Variants in PKP4 observed in about 807,000 individuals in gnomAD.
The protein encoded by PKP4 is plakophilin 4.
In PKP4, 90 loss-of-function variants were observed where a neutral mutation model predicts 145.1. The ratio of observed to expected loss-of-function variants is 0.62; its 90% CI spans 0.52 to 0.74. The LOEUF is 0.74. Among genes scored for constraint, PKP4 ranks in the 30% least tolerant of loss-of-function variants. The pLI, the probability that PKP4 is intolerant of heterozygous loss-of-function variation, is 0.00. For missense variants in PKP4, 1,340 were observed against 1,482.7 expected (o/e 0.90, Z 1.58); for synonymous variants, 563 against 577.2 (o/e 0.98, Z 0.35).
chr2:158,672,130 G>A (rs7573340), intron 17 of PKP4, among the ~76,000 whole-genome samples: 10,951 of 152,252 alleles, frequency 0.072, 958 homozygotes, highest in African/African-American at 0.21. Flanking sequence ...GCACTTATCC[G>A]TGAAGCTACT....
intron 11 of PKP4, 75 bp from the exon 12 acceptor site, chr2:158,658,056 A>T: frequency 1.2e-6 from 1 of 841,080 alleles, no homozygotes. Context: ...CATATTAATT[A>T]GAGCTAATAC....
chr2:158,661,608 C>G, intron 13 of PKP4, 158 bp downstream of exon 13: 1 of 565,520 alleles, frequency 1.8e-6, no homozygotes, highest in South Asian at 2.0e-5. Flanking sequence ...GTTACAGGGG[C>G]AAGGACGTGG....
chr2:158,484,270 A>G (rs1278679290), intron 1 of PKP4, among the ~76,000 whole-genome samples: 1 of 151,132 alleles, frequency 6.6e-6, no homozygotes, highest in Non-Finnish European at 1.5e-5. Context: ...GATGGTCTCG[A>G]TCTCCTGACC....
intron 15 of PKP4, chr2:158,666,102 C>G (rs1416989876): frequency 5.6e-6 from 1 of 178,248 alleles, no homozygotes; most frequent in Non-Finnish European, 1.2e-5. Context: ...AACACACGAT[C>G]CTTCCTTAAT....
chr2:158,608,434 G>C (rs1372766173), intron 4 of PKP4, among the ~76,000 whole-genome samples: 1 of 152,166 alleles, frequency 6.6e-6, no homozygotes, highest in Admixed American at 6.5e-5. Context: ...GTGTTAGGCA[G>C]ATACTAATTC....
rs763991868 is a variant in PKP4, at chr2:158,565,837, G to A, written c.133-11434G>A. On this transcript the variant is annotated intron_variant, in intron 2 of 21. Coordinates refer to ENST00000389759, the MANE Select transcript of PKP4 (RefSeq NM_003628.6). ...ATTGATCTTTCTTAACCTTCTTTCC[G>A]AAGAAGCCCACGATAATTTCTGGAA... 3.9e-5 allele frequency among the ~76,000 whole-genome samples: 6 copies of A among 151,988 alleles called. 1 individual carries two copies. The highest frequency in any genetic ancestry group is 4.2e-4 in the South Asian group (2 of 4,814).
chr2:158,659,793 G>A (rs2056377517), intron 12 of PKP4: 1 of 152,250 alleles, frequency 6.6e-6, no homozygotes, highest in South Asian at 2.1e-4. Flanking sequence ...AGATTATATA[G>A]GATTTTGTAA....
intron 1 of PKP4, among the ~76,000 whole-genome samples, chr2:158,483,314 T>G (rs1345514191): frequency 6.6e-6 from 1 of 152,166 alleles, no homozygotes; most frequent in Non-Finnish European, 1.5e-5. Context: ...ATGTTTGATC[T>G]TTCTGTAATT....
intron 3 of PKP4, among the ~76,000 whole-genome samples, chr2:158,593,093 T>A (rs1011349090): frequency 6.6e-6 from 1 of 152,176 alleles, no homozygotes; most frequent in Non-Finnish European, 1.5e-5. Flanking sequence ...TTATTTTAAA[T>A]TTTTTTAAAT....
At chr2:158,610,971 G>T (rs2051096482) in intron 4 of PKP4, among the ~76,000 whole-genome samples, 1 of 152,158 alleles carries the variant, frequency 6.6e-6, no homozygotes, top group South Asian at 2.1e-4. Context: ...GAAATTGATG[G>T]ATGTTACGTA....
chr2:158,541,727 G>A (rs1277762014), intron 2 of PKP4, among the ~76,000 whole-genome samples: 1 of 151,990 alleles, frequency 6.6e-6, no homozygotes, highest in East Asian at 1.9e-4. Flanking sequence ...TCAATTTATA[G>A]ACTGTTTAGT....
In PKP4 at chr2:158,517,549, G is replaced by A. The variant is rs140954116; in HGVS notation, c.-5-15631G>A. Among the ~76,000 whole-genome samples the A allele has an allele frequency of 6.4e-4, 97 of 152,158 alleles. 1 individual carries two copies. The Middle Eastern group carries it at 0.02, about 32-fold the overall frequency. ...ATTTATCTTTGTACTTTTACACCTGGTTTATAGTGTGGTTGATACGTAAGT... is the reference window on the plus strand; with the variant it reads ...ATTTATCTTTGTACTTTTACACCTGATTTATAGTGTGGTTGATACGTAAGT... On this transcript the variant is annotated intron_variant, in intron 1 of 21. Transcript: ENST00000389759.
intron 1 of PKP4, among the ~76,000 whole-genome samples, chr2:158,461,082 A>C (rs1054477789): frequency 1.1e-4 from 17 of 152,232 alleles, no homozygotes; most frequent in African/African-American, 3.4e-4. Flanking sequence ...GGGTTATTTC[A>C]AGGTAAGGTA....
intron 11 of PKP4, among the ~76,000 whole-genome samples, chr2:158,654,797 G>C (rs986092120): frequency 6.6e-6 from 1 of 152,118 alleles, no homozygotes; most frequent in Admixed American, 6.5e-5. Flanking sequence ...AGCCAAGTCT[G>C]ATAGGTAGGA....
chr2:158,460,400 A>C (rs1689588280), intron 1 of PKP4, among the ~76,000 whole-genome samples: 1 of 152,216 alleles, frequency 6.6e-6, no homozygotes, highest in Admixed American at 6.5e-5. Context: ...GTAAATAGGC[A>C]AAGTAAATTT....
intron 2 of PKP4, among the ~76,000 whole-genome samples, chr2:158,535,198 T>C (rs2043926835): frequency 1.3e-5 from 2 of 152,164 alleles, no homozygotes; most frequent in African/African-American, 4.8e-5. Flanking sequence ...AAGACTCTCC[T>C]GAAATATGTC....
At position 158,585,108 on chromosome 2, in the gene PKP4, G is replaced by A. The variant is rs576388987; in HGVS notation, c.245+7725G>A. Among the ~76,000 whole-genome samples the A allele has an allele frequency of 1.3e-3, 202 of 152,116 alleles. 1 individual carries two copies. Among genetic ancestry groups the A allele is most frequent in the African/African-American group, 4.6e-3 (191 of 41,508 alleles). ...AAGCACAGTTTAGATTTTCATTTTC[G>A]CTTTTTGCAAATGATTTTGAAATTT... On this transcript the variant is annotated intron_variant, in intron 3 of 21. Transcript: ENST00000389759.
At chr2:158,573,506 A>G (rs79310217) in intron 2 of PKP4, among the ~76,000 whole-genome samples, 12,649 of 152,282 alleles carry the variant, frequency 0.083, 743 homozygotes, top group Middle Eastern at 0.22. Context: ...AAACATCTGA[A>G]GCAAATGTAG....
chr2:158,629,939 G>A (rs1393264975), intron 7 of PKP4, among the ~76,000 whole-genome samples: 1 of 152,022 alleles, frequency 6.6e-6, no homozygotes, highest in Admixed American at 6.5e-5. Flanking sequence ...TCACCACCTT[G>A]GCCAGGCTTG....
Sources: allele counts gnomAD v4.1 joint callset (sites outside exome capture counted in the v4.1 genomes callset), GRCh38; gene constraint gnomAD v4.1.1; transcripts MANE v1.5; gene names NCBI Gene and HGNC (gene_info 2026-07-23, HGNC 2026-07-21).